The following ARHGAP17 variants were observed in gnomAD, a reference collection of about 807,000 sequenced individuals.
The protein encoded by ARHGAP17 is rho GTPase-activating protein 17.
ARHGAP17 carries 57 observed loss-of-function variants against 99.5 expected under a neutral mutation model. The observed-to-expected ratio is 0.57, with a 90% CI of 0.46 to 0.71. ARHGAP17 has a LOEUF of 0.71. Ranked by LOEUF, ARHGAP17 falls within the 30% of genes least tolerant of loss-of-function variation. The pLI is 0.00. For synonymous variants in ARHGAP17, 417 were observed against 429.6 expected (o/e 0.97, Z 0.36); for missense variants, 1,000 against 1,122.4 (o/e 0.89, Z 1.56).
chr16:24,954,913 G>C, intron 9 of ARHGAP17, 183 bp from the exon 10 acceptor site: 1 of 812,508 alleles, frequency 1.2e-6, no homozygotes, highest in Non-Finnish European at 1.9e-6. Flanking sequence ...CTATGGACCA[G>C]GCTGGGGCGG....
intron 1 of ARHGAP17, among the ~76,000 whole-genome samples, chr16:25,004,407 A>G (rs1172121314): frequency 6.6e-6 from 1 of 152,192 alleles, no homozygotes; most frequent in Non-Finnish European, 1.5e-5. Flanking sequence ...GGTGAAGTAG[A>G]AACACTTCGG....
chr16:25,008,348 TG>T (rs1158522950), intron 1 of ARHGAP17, among the ~76,000 whole-genome samples: 2 of 152,204 alleles, frequency 1.3e-5, no homozygotes, highest in Admixed American at 6.5e-5. Flanking sequence ...CAGACCCCAC[TG>T]GAAGTATTAC....
chr16:24,974,494 C>T (rs1029162923), intron 3 of ARHGAP17, among the ~76,000 whole-genome samples: 1 of 152,158 alleles, frequency 6.6e-6, no homozygotes, highest in South Asian at 2.1e-4. Flanking sequence ...CCAGTGGTGC[C>T]TGCCAGTCCC....
intron 14 of ARHGAP17, among the ~76,000 whole-genome samples, chr16:24,947,230 G>A (rs930852434): frequency 3.3e-5 from 5 of 151,984 alleles, no homozygotes; most frequent in Admixed American, 1.3e-4. Context: ...TGTAGCCACT[G>A]AGCTATCTGA....
In ARHGAP17 at chr16:24,930,860, G is replaced by C. The variant is rs560550812; in HGVS notation, c.2439C>G (p.Pro813=). The C allele has an allele frequency of 7.4e-6, 12 of 1,614,004 alleles. No homozygotes were observed. The highest frequency in any genetic ancestry group is 1.7e-5 in the Admixed American group (1 of 60,012). Residue 813 remains proline, a synonymous_variant, in exon 19 of 20, where the codon CCC becomes CCG. Coordinates refer to ENST00000289968, the MANE Select transcript of ARHGAP17 (RefSeq NM_001006634.3). Reference sequence around the variant, plus strand: ...CAGCTGAGTGGACACCAGGAGGTTGGGGGGGTGGGGGCACGCTGGGCCGGT... The same window carrying C: ...CAGCTGAGTGGACACCAGGAGGTTGCGGGGGTGGGGGCACGCTGGGCCGGT... ...PRNRPSVPPP[P]QPPGVHSAGD...
chr16:24,941,404 T>C (rs529715928), intron 16 of ARHGAP17, among the ~76,000 whole-genome samples: 4 of 152,306 alleles, frequency 2.6e-5, no homozygotes, highest in East Asian at 1.9e-4. Flanking sequence ...GAAAATCCCA[T>C]GAATTGCCCA....
chr16:24,987,595 C>T (rs1219652589), intron 1 of ARHGAP17, among the ~76,000 whole-genome samples: 3 of 152,090 alleles, frequency 2.0e-5, no homozygotes, highest in Non-Finnish European at 4.4e-5. Flanking sequence ...AGCAGGGGCT[C>T]ATCTTTCTAC....
At chr16:24,939,764 C>G in intron 16 of ARHGAP17, 167 bp from the exon 17 acceptor site, 1 of 692,108 alleles carries the variant, frequency 1.4e-6, no homozygotes, top group South Asian at 1.7e-5. Context: ...AGCAACTCCA[C>G]TCGGCTTCAA....
intron 1 of ARHGAP17, among the ~76,000 whole-genome samples, chr16:24,999,242 G>C (rs965846318): frequency 6.6e-6 from 1 of 152,132 alleles, no homozygotes; most frequent in Admixed American, 6.5e-5. Context: ...TCATTAGAGC[G>C]GAGTTCTTAA....
intron 1 of ARHGAP17, among the ~76,000 whole-genome samples, chr16:24,982,986 A>ATATATATTTATT (rs1555467505): frequency 3.5e-5 from 1 of 28,934 alleles, no homozygotes. Context: ...ATATATATAT[A>ATATATATTTATT]TATATATATA....
chr16:24,968,572 A>AG (rs1324820323), intron 5 of ARHGAP17, 89 bp downstream of exon 5: 21 of 1,524,034 alleles, frequency 1.4e-5, no homozygotes, highest in Non-Finnish European at 1.9e-5. Context: ...AGTGTATGTT[A>AG]AAGCCAGCAA....
intron 7 of ARHGAP17, 73 bp from the exon 8 acceptor site, chr16:24,960,052 T>C: frequency 1.4e-6 from 2 of 1,408,492 alleles, no homozygotes; most frequent in Non-Finnish European, 2.0e-6. Flanking sequence ...GAACAATCTC[T>C]GTGAGCTCTT....
rs1216638494 is a variant in ARHGAP17 at position 24,942,122 on chromosome 16, T to A, written c.1355A>T (p.Glu452Val). The A allele has an allele frequency of 6.2e-7, 1 of 1,611,904 alleles. No homozygotes were observed. The highest frequency in any genetic ancestry group is 1.1e-5 in the South Asian group (1 of 90,968). The change falls in exon 16 of 20, where the codon GAA becomes GTA. Residue 452 changes from glutamate (E) to valine (V), a missense_variant. Coordinates refer to ENST00000289968, the MANE Select transcript of ARHGAP17 (RefSeq NM_001006634.3). ...CGGGGTGGTGAGAGGTACAAATGCT[T>A]CTGATACATTAAATTCCACCTCTGC... ...FPEEVEFNVS[E>V]AFVPLTTPSS... is the part of the protein sequence containing the mutation.
At chr16:24,977,408 A>G in intron 2 of ARHGAP17, 89 bp from the exon 3 acceptor site, 2 of 1,089,624 alleles carry the variant, frequency 1.8e-6, no homozygotes, top group East Asian at 2.7e-5. Flanking sequence ...CTGAATCTAC[A>G]TGCAGGGAAA....
intron 19 of ARHGAP17, among the ~76,000 whole-genome samples, chr16:24,929,375 C>A (rs913438046): frequency 6.6e-6 from 1 of 152,176 alleles, no homozygotes; most frequent in African/African-American, 2.4e-5. Context: ...AAATCAGGCT[C>A]TTGATCTACT....
Position 24,968,404 on chromosome 16 carries a change from C to T in ARHGAP17, c.408G>A (p.Lys136=), listed in dbSNP as rs2141307148. The change falls in exon 6 of 20, where the codon AAG becomes AAA. Residue 136 remains lysine (K), a synonymous_variant. Transcript: ENST00000289968. ...IAEVEIPNIQ[K]QRKQLARLVL... ...CCAATCTTGCAAGCTGCTTCCTCTGCTTCTGGATGTTGGGAATCTCCACCT... is the reference window on the plus strand; with the variant it reads ...CCAATCTTGCAAGCTGCTTCCTCTGTTTCTGGATGTTGGGAATCTCCACCT... 1 of 1,614,246 alleles carries T rather than the reference C, an allele frequency of 6.2e-7. No individual in the cohort carries two copies. The highest frequency in any genetic ancestry group is 8.5e-7 in the Non-Finnish European group (1 of 1,180,038).
intron 1 of ARHGAP17, among the ~76,000 whole-genome samples, chr16:24,989,278 T>C (rs1218752261): frequency 1.3e-5 from 2 of 152,160 alleles, no homozygotes; most frequent in Non-Finnish European, 2.9e-5. Context: ...CATTTGGACT[T>C]TGACAAGCTC....
intron 17 of ARHGAP17, 57 bp downstream of exon 17, chr16:24,939,307 C>G (rs1215941827): frequency 6.7e-7 from 1 of 1,483,514 alleles, no homozygotes; most frequent in South Asian, 1.3e-5. Flanking sequence ...AAGGCCACCA[C>G]CTGCAAGAAG....
At chr16:24,997,810 T>C (rs556251859) in intron 1 of ARHGAP17, among the ~76,000 whole-genome samples, 3 of 152,094 alleles carry the variant, frequency 2.0e-5, no homozygotes, top group African/African-American at 4.8e-5. Flanking sequence ...GATATGAAGG[T>C]ACAATGAGGT....
Sources: allele counts gnomAD v4.1 joint callset (sites outside exome capture counted in the v4.1 genomes callset), GRCh38; gene constraint gnomAD v4.1.1; transcripts MANE v1.5; gene names NCBI Gene and HGNC (gene_info 2026-07-23, HGNC 2026-07-21).